COLEC12: variants seen among roughly 807,000 people sequenced by gnomAD.
COLEC12 encodes the protein collectin subfamily member 12.
Under a neutral mutation model 71.1 loss-of-function variants are expected in COLEC12, and 33 were observed. The observed-to-expected ratio is 0.46, with a 90% CI of 0.35 to 0.62. The LOEUF (loss-of-function observed/expected upper bound fraction) is 0.62, where lower values mean the gene tolerates loss of function less well. COLEC12 is among the 20% of genes least tolerant of loss of function. The pLI, the probability that COLEC12 is intolerant of heterozygous loss-of-function variation, is 0.00. For synonymous variants in COLEC12, 350 were observed against 353.0 expected, an observed-to-expected ratio of 0.99 and a Z score of 0.10; for missense variants, 765 against 916.1, an observed-to-expected ratio of 0.84 and a Z score of 2.13.
At chr18:494,574 A>G (rs1917676112) in intron 1 of COLEC12, among the ~76,000 whole-genome samples, 1 of 152,232 alleles carries the variant, frequency 6.6e-6, no homozygotes, top group Non-Finnish European at 1.5e-5. Flanking sequence ...CTCGCCCAGC[A>G]CACAGAAATG....
intron 2 of COLEC12, among the ~76,000 whole-genome samples, chr18:368,659 T>C (rs182527518): frequency 1.3e-4 from 20 of 151,820 alleles, no homozygotes; most frequent in Non-Finnish European, 2.8e-4. Context: ...GGTCAGGAGA[T>C]CGAGACCAGC....
intron 2 of COLEC12, among the ~76,000 whole-genome samples, chr18:406,515 C>CAAAAAAAAAAAAAAAAAAAAAAAAAAAAA (rs34263909): frequency 1.1e-5 from 1 of 90,450 alleles, no homozygotes; most frequent in African/African-American, 4.9e-5. Context: ...GACTCCGTCT[C>CAAAAAAAAAAAAAAAAAAAAAAAAAAAAA]AAAAAAAAAA....
intron 2 of COLEC12, among the ~76,000 whole-genome samples, chr18:386,728 G>A (rs1488118764): frequency 6.6e-6 from 1 of 152,168 alleles, no homozygotes; most frequent in Non-Finnish European, 1.5e-5. Flanking sequence ...ACCTGAATTT[G>A]GAAGCTGAGA....
intron 2 of COLEC12, among the ~76,000 whole-genome samples, chr18:442,885 C>T (rs566719828): frequency 6.6e-6 from 1 of 152,230 alleles, no homozygotes; most frequent in Non-Finnish European, 1.5e-5. Context: ...GGCGTGAACC[C>T]GGGAGGTGGA....
At chr18:326,436 C>T (rs1456502177) in intron 8 of COLEC12, among the ~76,000 whole-genome samples, 2 of 152,322 alleles carry the variant, frequency 1.3e-5, no homozygotes, top group South Asian at 4.1e-4. Context: ...CAACCTCCAC[C>T]TCCCGGGTCC....
chr18:348,715 A>G (rs930435683), intron 3 of COLEC12, among the ~76,000 whole-genome samples: 1 of 152,246 alleles, frequency 6.6e-6, no homozygotes, highest in African/African-American at 2.4e-5. Flanking sequence ...CAAGGCCCTG[A>G]AAATCTGCTT....
Position 335,205 on chromosome 18 carries a change from T to C in COLEC12, c.1353A>G (p.Arg451=). 6.2e-7 allele frequency: 1 copy of C among 1,604,818 alleles called. No individual in the cohort carries two copies. Among genetic ancestry groups the C allele is most frequent in the South Asian group, 1.1e-5 (1 of 89,842 alleles). The part of the protein sequence containing the change: ...LQGPPGPRGP[R]GDRGSQGPPG... ...GGGGTCCCTGGGATCCTCTGTCACC[T>C]CTTGGACCCCTGGGGCCCGGTGGAC... Residue 451 remains arginine (R), a synonymous_variant, in exon 6 of 10, where the codon AGA becomes AGG. Transcript: ENST00000400256.
chr18:443,975 G>T (rs990756594), intron 2 of COLEC12, among the ~76,000 whole-genome samples: 1 of 152,128 alleles, frequency 6.6e-6, no homozygotes, highest in Non-Finnish European at 1.5e-5. Context: ...CTTCTGCCAT[G>T]ATCGTAAAAG....
At chr18:369,648 G>A (rs1914957442) in intron 2 of COLEC12, among the ~76,000 whole-genome samples, 1 of 151,950 alleles carries the variant, frequency 6.6e-6, no homozygotes, top group East Asian at 1.9e-4. Context: ...AATTTCCATG[G>A]AAACAAGGTA....
At chr18:381,367 TGAG>T (rs1423164152) in intron 2 of COLEC12, among the ~76,000 whole-genome samples, 2 of 152,198 alleles carry the variant, frequency 1.3e-5, no homozygotes, top group African/African-American at 4.8e-5. Context: ...GATAAATACT[TGAG>T]GTGATGAATA....
intron 5 of COLEC12, among the ~76,000 whole-genome samples, chr18:339,797 C>A (rs1914204294): frequency 6.6e-6 from 1 of 152,040 alleles, no homozygotes; most frequent in Non-Finnish European, 1.5e-5. Context: ...CTCATTAAGA[C>A]AGGCTAGAAA....
intron 2 of COLEC12, among the ~76,000 whole-genome samples, chr18:440,149 TA>T (rs1009866398): frequency 3.5e-5 from 5 of 143,468 alleles, no homozygotes; most frequent in Admixed American, 2.0e-4. Context: ...GTGGAATCTT[TA>T]AAAAAAAAAC....
At chr18:369,449 G>T (rs557296042) in intron 2 of COLEC12, among the ~76,000 whole-genome samples, 39 of 131,832 alleles carry the variant, frequency 3.0e-4, no homozygotes, top group African/African-American at 9.7e-4. Context: ...TTGGAATAAT[G>T]TTTTTTTTTT....
chr18:470,150 T>C (rs1917164939), intron 2 of COLEC12, among the ~76,000 whole-genome samples: 1 of 150,836 alleles, frequency 6.6e-6, no homozygotes, highest in East Asian at 1.9e-4. Context: ...TCAGGCAGGG[T>C]GCAATGGCTT....
At chr18:351,294 T>C (rs979154178) in intron 3 of COLEC12, among the ~76,000 whole-genome samples, 22 of 151,756 alleles carry the variant, frequency 1.4e-4, no homozygotes, top group African/African-American at 5.3e-4. Context: ...TGTTCTTCCC[T>C]GTTTTTTTTT....
chr18:376,336 A>G (rs1231558403), intron 2 of COLEC12, among the ~76,000 whole-genome samples: 1 of 152,192 alleles, frequency 6.6e-6, no homozygotes, highest in Non-Finnish European at 1.5e-5. Flanking sequence ...TGCCAATTAA[A>G]CAATGTTTTC....
intron 2 of COLEC12, among the ~76,000 whole-genome samples, chr18:388,619 G>T (rs1915396693): frequency 6.6e-6 from 1 of 152,050 alleles, no homozygotes; most frequent in South Asian, 2.1e-4. Flanking sequence ...TTTGAGACAG[G>T]GTCTTGCTCT....
chr18:359,982 G>A (rs1914708734), intron 2 of COLEC12, among the ~76,000 whole-genome samples: 1 of 152,150 alleles, frequency 6.6e-6, no homozygotes, highest in Non-Finnish European at 1.5e-5. Flanking sequence ...TTAGCTTTCA[G>A]GGCTCAACCA....
At chr18:392,057 A>G in intron 2 of COLEC12, among the ~76,000 whole-genome samples, 1 of 152,224 alleles carries the variant, frequency 6.6e-6, no homozygotes, top group East Asian at 1.9e-4. Flanking sequence ...GCCAGTGTAT[A>G]CCTGGGGCCA....
Sources: allele counts gnomAD v4.1 joint callset (sites outside exome capture counted in the v4.1 genomes callset), GRCh38; gene constraint gnomAD v4.1.1; transcripts MANE v1.5; gene names NCBI Gene and HGNC (gene_info 2026-07-23, HGNC 2026-07-21).